Variants in NCAM2 observed in about 807,000 individuals in gnomAD.
NCAM2 encodes N-CAM-2.
NCAM2 carries 30 observed loss-of-function variants against 98.1 expected under a neutral mutation model. The ratio of observed to expected loss-of-function variants is 0.31; its 90% confidence interval spans 0.23 to 0.41. The LOEUF is 0.41. Ranked by LOEUF, NCAM2 falls within the 10% of genes least tolerant of loss-of-function variation. The probability of loss-of-function intolerance (pLI) is 1.00; values close to 1 mark genes in which losing one functional copy is unlikely to be tolerated. For missense variants in NCAM2, 867 were observed against 1,005.8 expected (o/e 0.86, Z 1.87); for synonymous variants, 368 against 342.4 (o/e 1.07, Z -0.83).
chr21:21,283,819 C>T (rs1019667688), intron 2 of NCAM2, among the ~76,000 whole-genome samples: 5 of 151,884 alleles, frequency 3.3e-5, no homozygotes, highest in Admixed American at 6.6e-5. Context: ...AATTGTGGTT[C>T]TGTTCAGATA....
chr21:21,101,270 A>G (rs1002708236), intron 1 of NCAM2, among the ~76,000 whole-genome samples: 2 of 152,100 alleles, frequency 1.3e-5, no homozygotes, highest in African/African-American at 2.4e-5. Flanking sequence ...GAAAATAAAT[A>G]TATGTTGATA....
At chr21:21,406,713 CT>C (rs1399708442) in intron 9 of NCAM2, among the ~76,000 whole-genome samples, 20 of 152,114 alleles carry the variant, frequency 1.3e-4, no homozygotes, top group Non-Finnish European at 1.0e-4. Flanking sequence ...AATAAAGTCA[CT>C]TCTTTTCATT....
In NCAM2 at chr21:21,192,932, A is replaced by C. The variant is rs774323658; in HGVS notation, c.56-87646A>C. ...TAGTGTCGTGAGGCAAGGGGAGTAG[A>C]GTGATAGACTAGACACAGGCACACA... On this transcript the variant is annotated intron_variant, in intron 1 of 17. Transcript: ENST00000400546. Among the ~76,000 whole-genome samples, 15 of 152,216 alleles carry C rather than the reference A, an allele frequency of 9.9e-5. No individual in the cohort carries two copies. In the South Asian group the frequency reaches 3.1e-3, roughly 31 times the overall value.
chr21:21,197,246 C>T (rs997798081), intron 1 of NCAM2, among the ~76,000 whole-genome samples: 1 of 152,198 alleles, frequency 6.6e-6, no homozygotes, highest in African/African-American at 2.4e-5. Context: ...TTTCCTGCTT[C>T]AGCCTCCTGA....
At chr21:21,152,436 GT>G (rs1348263396) in intron 1 of NCAM2, among the ~76,000 whole-genome samples, 1 of 151,734 alleles carries the variant, frequency 6.6e-6, no homozygotes, top group African/African-American at 2.4e-5. Flanking sequence ...GTAGTCTACT[GT>G]TTTTTGTTAT....
At chr21:21,305,146 C>T (rs1273730462) in intron 5 of NCAM2, among the ~76,000 whole-genome samples, 7 of 152,014 alleles carry the variant, frequency 4.6e-5, no homozygotes, top group South Asian at 2.1e-4. Flanking sequence ...GGTGTAATCC[C>T]GTCTCTATTA....
chr21:21,415,190 G>A lies in NCAM2; in HGVS notation c.1384-3283G>A, dbSNP rs370980484. ...CTAACAAGAGATTCAACAGGTCCTT[G>A]GAAGTTTGAACCCTGCCCTTTACAT... On this transcript the variant is annotated intron_variant, in intron 10 of 17. Coordinates refer to ENST00000400546, the MANE Select transcript of NCAM2 (RefSeq NM_004540.5). Among the ~76,000 whole-genome samples the A allele has an allele frequency of 3.3e-5, 5 of 152,154 alleles. No individual in the cohort carries two copies. In the East Asian group the frequency reaches 5.8e-4, roughly 18 times the overall value.
chr21:21,298,237 A>G (rs985672655), intron 5 of NCAM2, among the ~76,000 whole-genome samples: 5 of 151,826 alleles, frequency 3.3e-5, no homozygotes, highest in Admixed American at 6.6e-5. Context: ...TAAAGCATAT[A>G]CAAGTATGAA....
At chr21:21,228,840 C>G (rs2070499527) in intron 1 of NCAM2, among the ~76,000 whole-genome samples, 1 of 151,360 alleles carries the variant, frequency 6.6e-6, no homozygotes, top group Non-Finnish European at 1.5e-5. Flanking sequence ...AAAATCCAGA[C>G]AAAGTATGGC....
intron 1 of NCAM2, among the ~76,000 whole-genome samples, chr21:21,228,492 C>T (rs980736367): frequency 6.6e-6 from 1 of 150,896 alleles, no homozygotes; most frequent in African/African-American, 2.4e-5. Flanking sequence ...AATTTATTCT[C>T]ACAATGAAAT....
chr21:21,265,465 G>T (rs368002295), intron 1 of NCAM2, among the ~76,000 whole-genome samples: 1 of 137,846 alleles, frequency 7.3e-6, no homozygotes, highest in African/African-American at 2.7e-5. Flanking sequence ...TATAATATAT[G>T]TGTGTATATA....
rs371626912 is a variant in NCAM2, at chr21:21,048,714, C to G, written c.55+50096C>G. On this transcript the variant is annotated intron_variant, in intron 1 of 17. Transcript: ENST00000400546. ...CCTCCCTAAAATATATACAACCAAG[C>G]TGTACTCCAACCACCTGGGGCACAT... Among the ~76,000 whole-genome samples the G allele has an allele frequency of 1.6e-4, 25 of 152,284 alleles. No individual in the cohort carries two copies. In the South Asian group the frequency reaches 5.2e-3, roughly 32 times the overall value.
At chr21:21,430,190 G>A (rs184146136) in intron 11 of NCAM2, among the ~76,000 whole-genome samples, 4 of 151,356 alleles carry the variant, frequency 2.6e-5, no homozygotes, top group Admixed American at 2.0e-4. Flanking sequence ...CACTACACCC[G>A]GCTGTTTTTT....
intron 5 of NCAM2, among the ~76,000 whole-genome samples, chr21:21,304,165 G>A (rs530609718): frequency 6.4e-4 from 97 of 151,998 alleles, no homozygotes; most frequent in Middle Eastern, 6.8e-3. Flanking sequence ...TCAAATCTAC[G>A]AATGTATTGT....
intron 5 of NCAM2, among the ~76,000 whole-genome samples, chr21:21,321,499 G>A (rs1301991042): frequency 1.3e-5 from 2 of 152,056 alleles, no homozygotes; most frequent in East Asian, 1.9e-4. Context: ...AGCCAGTGTC[G>A]AGAAGTGTAT....
intron 5 of NCAM2, among the ~76,000 whole-genome samples, chr21:21,305,412 C>G (rs184328083): frequency 1.3e-5 from 2 of 152,066 alleles, no homozygotes; most frequent in African/African-American, 2.4e-5. Context: ...TTTCCACTTT[C>G]GCTTATTATA....
At chr21:21,489,140 G>A (rs922882743) in intron 15 of NCAM2, among the ~76,000 whole-genome samples, 2 of 151,662 alleles carry the variant, frequency 1.3e-5, no homozygotes, top group Admixed American at 6.6e-5. Context: ...GCTACTAGGC[G>A]TGCAGCCACC....
At chr21:21,401,910 A>C (rs1029518350) in intron 9 of NCAM2, among the ~76,000 whole-genome samples, 1 of 152,188 alleles carries the variant, frequency 6.6e-6, no homozygotes, top group Non-Finnish European at 1.5e-5. Context: ...CAAATTGTGA[A>C]GATTTCATGG....
At chr21:21,115,619 G>A (rs886829368) in intron 1 of NCAM2, among the ~76,000 whole-genome samples, 2 of 152,100 alleles carry the variant, frequency 1.3e-5, no homozygotes, top group Non-Finnish European at 2.9e-5. Context: ...CTTTGTTTCT[G>A]ATTACAGTCT....
Sources: allele counts gnomAD v4.1 joint callset (sites outside exome capture counted in the v4.1 genomes callset), GRCh38; gene constraint gnomAD v4.1.1; transcripts MANE v1.5; gene names NCBI Gene and HGNC (gene_info 2026-07-23, HGNC 2026-07-21).